Variants in TUSC3 observed in about 807,000 individuals in gnomAD.
TUSC3 encodes dolichyl-diphosphooligosaccharide--protein glycosyltransferase subunit TUSC3.
TUSC3 carries 45 observed loss-of-function variants against 44.8 expected under a neutral mutation model. The ratio of observed to expected loss-of-function variants is 1.00; its 90% CI spans 0.79 to 1.29. The LOEUF is 1.29. Among genes scored for constraint, TUSC3 ranks in the 50% most tolerant of loss-of-function variants. The probability of loss-of-function intolerance (pLI) is 0.00; values close to 1 mark genes in which losing one functional copy is unlikely to be tolerated. For synonymous variants in TUSC3, 212 were observed against 152.9 expected (o/e 1.39, Z -2.85); for missense variants, 519 against 437.9 (o/e 1.19, Z -1.65).
chr8:15,563,836 T>G (rs1249833092), intron 1 of TUSC3, among the ~76,000 whole-genome samples: 1 of 152,078 alleles, frequency 6.6e-6, no homozygotes, highest in African/African-American at 2.4e-5. Flanking sequence ...TAAGAATTAT[T>G]TCAAGTAATT....
chr8:15,531,440 C>G (rs1379163193), intron 2 of TUSC3, among the ~76,000 whole-genome samples: 2 of 152,154 alleles, frequency 1.3e-5, no homozygotes, highest in African/African-American at 4.8e-5. Context: ...TTAGTAGAGA[C>G]AGGGTTTCGC....
the TUSC3 span, among the ~76,000 whole-genome samples, chr8:15,830,156 T>C: frequency 4.6e-5 from 7 of 151,842 alleles, no homozygotes; most frequent in East Asian, 1.9e-4. Flanking sequence ...GTTTTTTTTT[T>C]CCTGTTGTTA....
At chr8:15,624,700 C>T (rs1805412050) in intron 2 of TUSC3, among the ~76,000 whole-genome samples, 1 of 152,046 alleles carries the variant, frequency 6.6e-6, no homozygotes, top group Non-Finnish European at 1.5e-5. Context: ...AGATACTAGT[C>T]CTTCGTCAGA....
chr8:15,637,355 G>A (rs1012526525), intron 2 of TUSC3, among the ~76,000 whole-genome samples: 4 of 151,938 alleles, frequency 2.6e-5, no homozygotes, highest in South Asian at 2.1e-4. Context: ...TCATTTCTGC[G>A]TGGATTCTGT....
intron 1 of TUSC3, among the ~76,000 whole-genome samples, chr8:15,445,851 C>G (rs187952510): frequency 6.6e-6 from 1 of 152,180 alleles, no homozygotes; most frequent in Non-Finnish European, 1.5e-5. Flanking sequence ...AGATGGTAGA[C>G]GGGGTGGCGG....
intron 1 of TUSC3, among the ~76,000 whole-genome samples, chr8:15,481,107 G>T (rs1256543773): frequency 6.6e-6 from 1 of 152,070 alleles, no homozygotes; most frequent in African/African-American, 2.4e-5. Context: ...AAATATCCCA[G>T]TGTGGTGGTG....
At chr8:15,719,878 A>T (rs1810229547) in intron 6 of TUSC3, among the ~76,000 whole-genome samples, 1 of 152,082 alleles carries the variant, frequency 6.6e-6, no homozygotes. Context: ...TTTGTGTATG[A>T]GATTTCTGTT....
chr8:15,706,997 T>C (rs972145946), intron 6 of TUSC3, among the ~76,000 whole-genome samples: 2 of 151,998 alleles, frequency 1.3e-5, no homozygotes, highest in African/African-American at 4.8e-5. Context: ...TCATCATTTG[T>C]TGCTATAAAA....
chr8:15,431,335 CTATT>C (rs572920331), intron 1 of TUSC3, among the ~76,000 whole-genome samples: 9 of 151,800 alleles, frequency 5.9e-5, no homozygotes, highest in East Asian at 1.9e-4. Context: ...ATATATCTAT[CTATT>C]TGTGTCTTCA....
chr8:15,640,614 A>T (rs1481374285), intron 2 of TUSC3, among the ~76,000 whole-genome samples: 3 of 152,240 alleles, frequency 2.0e-5, no homozygotes, highest in African/African-American at 7.2e-5. Flanking sequence ...CTTAAATAGA[A>T]CTAGGGACAA....
intron 4 of TUSC3, 97 bp from the exon 5 acceptor site, chr8:15,662,059 T>G: frequency 7.2e-7 from 1 of 1,388,616 alleles, no homozygotes. Flanking sequence ...GGCATGTTTC[T>G]GAGTTCTTTG....
intron 6 of TUSC3, among the ~76,000 whole-genome samples, chr8:15,718,252 C>T (rs1374870279): frequency 6.6e-6 from 1 of 151,930 alleles, no homozygotes; most frequent in Non-Finnish European, 1.5e-5. Context: ...TCAGTTGGGT[C>T]AAAGTAATAG....
chr8:15,769,675 A>C (rs1585320162), downstream of TUSC3, among the ~76,000 whole-genome samples: 1 of 152,208 alleles, frequency 6.6e-6, no homozygotes. Flanking sequence ...TGTGCAATCT[A>C]TCCATCTGAC....
intron 2 of TUSC3, among the ~76,000 whole-genome samples, chr8:15,635,081 G>C (rs56108800): frequency 0.01 from 1,542 of 152,074 alleles, 24 homozygotes; most frequent in African/African-American, 0.036. Context: ...CCCAAAGGTA[G>C]GCTGCCACCC....
In TUSC3 at chr8:15,533,593, T is replaced by C. The variant is rs376855639; in HGVS notation, n.189+50110T>C. ...GCTTTTTATCTTTGTTGCTGTCTTATTTTGGAACTGTAAGAGTTAAAGAAG... is the reference window on the plus strand; with the variant it reads ...GCTTTTTATCTTTGTTGCTGTCTTACTTTGGAACTGTAAGAGTTAAAGAAG... On this transcript the variant is annotated intron_variant and non_coding_transcript_variant, in intron 2 of 5. Coordinates refer to the TUSC3 transcript ENST00000503191. 7.9e-5 allele frequency among the ~76,000 whole-genome samples: 12 copies of C among 152,308 alleles called. No homozygotes were observed. The East Asian group carries it at 9.7e-4, about 12-fold the overall frequency.
chr8:15,553,338 C>A (rs941916948), intron 1 of TUSC3, among the ~76,000 whole-genome samples: 2 of 151,622 alleles, frequency 1.3e-5, no homozygotes, highest in Admixed American at 1.3e-4. Context: ...CTCAAAGATA[C>A]CAATATTTTG....
intron 1 of TUSC3, among the ~76,000 whole-genome samples, chr8:15,444,102 G>A (rs965202271): frequency 6.6e-6 from 1 of 152,196 alleles, no homozygotes. Flanking sequence ...CCCCTGTCTA[G>A]TGTCCAGTGC....
At chr8:15,652,338 T>G (rs1042903360) in intron 3 of TUSC3, among the ~76,000 whole-genome samples, 3 of 152,184 alleles carry the variant, frequency 2.0e-5, no homozygotes, top group African/African-American at 7.2e-5. Context: ...TATTTCTTCT[T>G]GCCAGTTTCT....
intron 1 of TUSC3, among the ~76,000 whole-genome samples, chr8:15,573,917 A>G (rs903197632): frequency 4.6e-5 from 7 of 151,984 alleles, no homozygotes; most frequent in African/African-American, 1.7e-4. Flanking sequence ...AGGGGGAGAG[A>G]ATATTATCTT....
Sources: allele counts gnomAD v4.1 joint callset (sites outside exome capture counted in the v4.1 genomes callset), GRCh38; gene constraint gnomAD v4.1.1; transcripts MANE v1.5; gene names NCBI Gene and HGNC (gene_info 2026-07-23, HGNC 2026-07-21).